The following EPHB1 variants were observed in gnomAD, a reference collection of about 807,000 sequenced individuals.
EPHB1 encodes the protein ephrin type-B receptor 1.
EPHB1 carries 30 observed loss-of-function variants against 94.4 expected under a neutral mutation model. The observed-to-expected ratio is 0.32, with a 90% CI of 0.24 to 0.43. The LOEUF is 0.43. Ranked by LOEUF, EPHB1 falls within the 20% of genes least tolerant of loss-of-function variation. The pLI is 1.00. For missense variants in EPHB1, 1,055 were observed against 1,308.3 expected (o/e 0.81, Z 2.99); for synonymous variants, 522 against 489.1 (o/e 1.07, Z -0.89).
chr3:135,153,218 T>A (rs946806719), intron 5 of EPHB1, among the ~76,000 whole-genome samples: 25 of 152,064 alleles, frequency 1.6e-4, no homozygotes, highest in Admixed American at 2.6e-4. Context: ...CATTGTAAAG[T>A]GGAGTTTGAG....
At chr3:134,860,158 CACACACACACACAG>C (rs918038818) in intron 1 of EPHB1, among the ~76,000 whole-genome samples, 2 of 129,942 alleles carry the variant, frequency 1.5e-5, no homozygotes, top group African/African-American at 3.5e-5. Flanking sequence ...GGGACACACA[CACACACACACACAG>C]ACACACACAC....
At chr3:135,212,655 C>A (rs891012925) in intron 12 of EPHB1, among the ~76,000 whole-genome samples, 1 of 152,176 alleles carries the variant, frequency 6.6e-6, no homozygotes, top group Non-Finnish European at 1.5e-5. Flanking sequence ...TCTCCAGCAG[C>A]CCTAATTGTG....
chr3:135,201,494 C>T lies in EPHB1; in HGVS notation c.2151C>T (p.Thr717=), dbSNP rs760560845. The change falls in exon 12 of 16, where the codon ACC becomes ACT. Residue 717 remains threonine (T), a synonymous_variant. Transcript: ENST00000398015. ...TACAGCAAAATGACGGGCAGTTCAC[C>T]GTGATCCAGCTTGTGGGTATGCTCA... is the stretch of plus-strand genomic sequence containing the variant. The part of the protein sequence containing the change: ...SFLRQNDGQF[T]VIQLVGMLRG... The T allele has an allele frequency of 5.1e-5, 83 of 1,613,834 alleles. No homozygotes were observed. The Middle Eastern group carries it at 8.2e-4, about 16-fold the overall frequency.
At chr3:135,089,153 T>C (rs1184826542) in intron 3 of EPHB1, among the ~76,000 whole-genome samples, 9 of 152,206 alleles carry the variant, frequency 5.9e-5, no homozygotes, top group Non-Finnish European at 1.5e-5. Context: ...TACACAATAG[T>C]TTTTGTTTAT....
intron 12 of EPHB1, 50 bp downstream of exon 12, chr3:135,201,739 G>C (rs1942763578): frequency 1.9e-6 from 3 of 1,563,192 alleles, no homozygotes; most frequent in Middle Eastern, 1.8e-4. Context: ...GAGTTAAAGG[G>C]GACTCTACAT....
At chr3:135,065,944 C>G (rs2107779291) in intron 3 of EPHB1, among the ~76,000 whole-genome samples, 1 of 152,278 alleles carries the variant, frequency 6.6e-6, no homozygotes, top group Admixed American at 6.5e-5. Context: ...CTATATATTT[C>G]CTTAGCATAT....
chr3:134,864,952 T>C lies in EPHB1; in HGVS notation c.59-60864T>C, dbSNP rs372825483. Among the ~76,000 whole-genome samples, 71 of 152,356 alleles carry C rather than the reference T, an allele frequency of 4.7e-4. 2 individuals are homozygous for C. The South Asian group carries it at 0.013, about 28-fold the overall frequency. On this transcript the variant is annotated intron_variant, in intron 1 of 15. Transcript: ENST00000398015. ...AAGAGGTCAGGGAACTGAGATGCTA[T>C]GTGTGTCAGTGAATGTTCCACGAAG...
chr3:135,247,711 C>A (rs1310064708), intron 13 of EPHB1, among the ~76,000 whole-genome samples: 1 of 152,124 alleles, frequency 6.6e-6, no homozygotes, highest in Non-Finnish European at 1.5e-5. Flanking sequence ...TTGATTTGAA[C>A]CAATTATTTG....
intron 3 of EPHB1, among the ~76,000 whole-genome samples, chr3:135,015,108 C>A (rs1403715759): frequency 6.6e-6 from 1 of 152,158 alleles, no homozygotes. Context: ...CTGACTCCCC[C>A]TGTGCGTGGC....
chr3:135,227,866 G>T (rs959366142), intron 12 of EPHB1, among the ~76,000 whole-genome samples: 6 of 151,904 alleles, frequency 3.9e-5, no homozygotes, highest in Admixed American at 3.9e-4. Flanking sequence ...TTTATTATTT[G>T]CTCTCTTCCT....
chr3:135,103,569 G>A (rs1214988323), intron 3 of EPHB1, among the ~76,000 whole-genome samples: 2 of 152,218 alleles, frequency 1.3e-5, no homozygotes, highest in Non-Finnish European at 2.9e-5. Context: ...ATCTGTGGGA[G>A]TTATTGTGAG....
At chr3:135,245,658 T>A (rs185294341) in intron 13 of EPHB1, among the ~76,000 whole-genome samples, 251 of 151,794 alleles carry the variant, frequency 1.7e-3, no homozygotes, top group African/African-American at 5.9e-3. Context: ...ATACAAAAGT[T>A]TGCAGGGCAT....
At chr3:135,093,549 C>G (rs1938636004) in intron 3 of EPHB1, among the ~76,000 whole-genome samples, 1 of 152,108 alleles carries the variant, frequency 6.6e-6, no homozygotes, top group African/African-American at 2.4e-5. Context: ...GAAACCCTGT[C>G]TCTACTAAAA....
intron 3 of EPHB1, among the ~76,000 whole-genome samples, chr3:135,033,100 A>AGCACTAGGAG (rs1187677716): frequency 6.6e-6 from 1 of 152,184 alleles, no homozygotes; most frequent in African/African-American, 2.4e-5. Flanking sequence ...CTGAAGAATG[A>AGCACTAGGAG]CTAGCACTAG....
intron 5 of EPHB1, among the ~76,000 whole-genome samples, chr3:135,150,409 C>G (rs1161318258): frequency 6.6e-6 from 1 of 152,214 alleles, no homozygotes; most frequent in South Asian, 2.1e-4. Context: ...AACTGCCTCG[C>G]CTTCCCTGAA....
At chr3:134,940,637 GCTC>G (rs1259476179) in intron 2 of EPHB1, among the ~76,000 whole-genome samples, 1 of 152,208 alleles carries the variant, frequency 6.6e-6, no homozygotes, top group African/African-American at 2.4e-5. Flanking sequence ...CTCCAGGCTA[GCTC>G]CTGTGTTTCA....
intron 1 of EPHB1, among the ~76,000 whole-genome samples, chr3:134,835,056 T>A (rs1159777795): frequency 6.6e-6 from 1 of 152,132 alleles, no homozygotes; most frequent in Non-Finnish European, 1.5e-5. Flanking sequence ...GGACCTGTGG[T>A]GTAATGGGTT....
chr3:135,234,462 C>G (rs971177420), intron 12 of EPHB1, among the ~76,000 whole-genome samples: 1 of 152,220 alleles, frequency 6.6e-6, no homozygotes, highest in Non-Finnish European at 1.5e-5. Flanking sequence ...CCTGAGTCCT[C>G]TAAACTGTTC....
chr3:135,059,050 A>G (rs977267868), intron 3 of EPHB1, among the ~76,000 whole-genome samples: 1 of 152,228 alleles, frequency 6.6e-6, no homozygotes, highest in African/African-American at 2.4e-5. Context: ...AGTGTGACAG[A>G]TATTATCAAA....
Sources: allele counts gnomAD v4.1 joint callset (sites outside exome capture counted in the v4.1 genomes callset), GRCh38; gene constraint gnomAD v4.1.1; transcripts MANE v1.5; gene names NCBI Gene and HGNC (gene_info 2026-07-23, HGNC 2026-07-21).